Variants in PPFIA1 observed in about 807,000 individuals in gnomAD.
PPFIA1 encodes liprin-alpha-1.
PPFIA1 carries 25 observed loss-of-function variants against 149.9 expected under a neutral mutation model. That is an observed-to-expected ratio of 0.17 (90% CI 0.12 to 0.23). The LOEUF (loss-of-function observed/expected upper bound fraction) is 0.23, where lower values mean the gene tolerates loss of function less well. Ranked by LOEUF, PPFIA1 falls within the 10% of genes least tolerant of loss-of-function variation. The probability of loss-of-function intolerance (pLI) is 1.00; values close to 1 mark genes in which losing one functional copy is unlikely to be tolerated. For synonymous variants in PPFIA1, 549 were observed against 552.8 expected (o/e 0.99, Z 0.10); for missense variants, 1,362 against 1,506.5 (o/e 0.90, Z 1.59).
chr11:70,272,968 C>T (rs1025116875), intron 2 of PPFIA1, among the ~76,000 whole-genome samples: 9 of 152,144 alleles, frequency 5.9e-5, no homozygotes, highest in African/African-American at 1.7e-4. Flanking sequence ...GGAACTTTTT[C>T]CTTGGCAGAT....
At chr11:70,320,617 T>G (rs2053882613) in intron 2 of PPFIA1, among the ~76,000 whole-genome samples, 1 of 151,894 alleles carries the variant, frequency 6.6e-6, no homozygotes, top group African/African-American at 2.4e-5. Flanking sequence ...TTTTATGTTT[T>G]GTAGAGATGG....
intron 19 of PPFIA1, chr11:70,358,066 T>C (rs1191449462): frequency 6.6e-6 from 1 of 152,238 alleles, no homozygotes; most frequent in African/African-American, 2.4e-5. Context: ...CTGTCCTTTA[T>C]GTTGTGCTTG....
In PPFIA1 at chr11:70,355,679, A is replaced by C. The variant is rs1408883929; in HGVS notation, c.2356A>C (p.Ser786Arg). Reference sequence around the variant, plus strand: ...GGATGGTCCCGTGAGCAACCCCAGCAGTAGCAACAGTAGCCAGGACTCGCT... The same window carrying C: ...GGATGGTCCCGTGAGCAACCCCAGCCGTAGCAACAGTAGCCAGGACTCGCT... ...SQDGPVSNPS[S>R]SNSSQDSLHK... The change falls in exon 18 of 28, where the codon AGT (serine) becomes CGT (arginine). Residue 786 changes from serine (S) to arginine (R), a missense_variant. Around this residue, in one of 7 missense-constraint regions of PPFIA1, gnomAD observed 733 missense variants for 744.1 expected, o/e 0.99. Coordinates refer to ENST00000253925, the MANE Select transcript of PPFIA1 (RefSeq NM_003626.5). 1.2e-6 allele frequency: 2 copies of C among 1,613,758 alleles called. No homozygotes were observed. Among genetic ancestry groups the C allele is most frequent in the Non-Finnish European group, 1.7e-6 (2 of 1,179,942 alleles).
intron 26 of PPFIA1, among the ~76,000 whole-genome samples, chr11:70,380,135 C>T (rs890042309): frequency 1.1e-4 from 16 of 152,136 alleles, no homozygotes; most frequent in Non-Finnish European, 1.8e-4. Flanking sequence ...AGGCCGGGCG[C>T]GGTGGCTCAC....
chr11:70,355,097 G>A (rs7130374), intron 17 of PPFIA1, among the ~76,000 whole-genome samples: 18,783 of 152,064 alleles, frequency 0.12, 1,273 homozygotes, highest in Admixed American at 0.18. Flanking sequence ...TAAAGATGGG[G>A]TTTCACCATG....
At chr11:70,351,762 G>T in intron 16 of PPFIA1, among the ~76,000 whole-genome samples, 1 of 152,174 alleles carries the variant, frequency 6.6e-6, no homozygotes, top group East Asian at 1.9e-4. Context: ...GCCCCACAGT[G>T]CACAGTGCAG....
chr11:70,283,383 A>G (rs1411034628), intron 2 of PPFIA1, among the ~76,000 whole-genome samples: 1 of 152,126 alleles, frequency 6.6e-6, no homozygotes, highest in Non-Finnish European at 1.5e-5. Context: ...TGAGGTCCCA[A>G]ATTTTGCCAG....
intron 6 of PPFIA1, 58 bp downstream of exon 6, chr11:70,326,421 C>T (rs1392557940): frequency 1.0e-5 from 15 of 1,466,250 alleles, no homozygotes; most frequent in Admixed American, 3.8e-5. Context: ...CAGTATGTGT[C>T]GGGTTATGTG....
intron 2 of PPFIA1, among the ~76,000 whole-genome samples, chr11:70,310,820 G>A (rs559541559): frequency 2.6e-5 from 4 of 152,280 alleles, no homozygotes; most frequent in Admixed American, 2.6e-4. Flanking sequence ...GACTGAACGA[G>A]TTCTGGAAGA....
chr11:70,280,061 C>G lies in PPFIA1; in HGVS notation c.264+7625C>G, dbSNP rs190243193. Among the ~76,000 whole-genome samples the G allele has an allele frequency of 3.9e-4, 59 of 152,040 alleles. No individual in the cohort carries two copies. In the Middle Eastern group the frequency reaches 0.017, roughly 44 times the overall value. The stretch of plus-strand genomic sequence containing the variant: ...TAGCAGGGACTACAGGTGCGTGCCA[C>G]CACACCTGGCTAATTTCTGTATTTT... On this transcript the variant is annotated intron_variant, in intron 2 of 27. Coordinates refer to ENST00000253925, the MANE Select transcript of PPFIA1 (RefSeq NM_003626.5).
intron 21 of PPFIA1, chr11:70,363,154 G>A (rs565814046): frequency 6.6e-6 from 1 of 152,292 alleles, no homozygotes; most frequent in African/African-American, 2.4e-5. Flanking sequence ...ACGTATGAGT[G>A]AACAGTTAAA....
chr11:70,316,132 C>T (rs181650036), intron 2 of PPFIA1, among the ~76,000 whole-genome samples: 8 of 152,022 alleles, frequency 5.3e-5, no homozygotes, highest in South Asian at 2.1e-4. Flanking sequence ...AGTGCAGTGG[C>T]GCAGTCTCGG....
chr11:70,324,314 C>T, intron 2 of PPFIA1, 88 bp from the exon 3 acceptor site: 1 of 934,856 alleles, frequency 1.1e-6, no homozygotes, highest in South Asian at 1.7e-5. Flanking sequence ...AATGAGGTTG[C>T]CTTTGTGTGA....
Position 70,355,827 on chromosome 11 carries a change from G to T in PPFIA1, c.2488+16G>T, listed in dbSNP as rs138012353. The T allele has an allele frequency of 1.1e-5, 17 of 1,600,176 alleles. No homozygotes were observed. The highest frequency in any genetic ancestry group is 1.7e-5 in the Admixed American group (1 of 57,612). On this transcript the variant is annotated intron_variant, in intron 18 of 27. Transcript: ENST00000253925. The stretch of plus-strand genomic sequence containing the variant: ...TTAGGACAAGGTTGGTTGGTTTTCC[G>T]CACCCTTCTCAGCACCCAGGGGTCG...
intron 26 of PPFIA1, among the ~76,000 whole-genome samples, chr11:70,380,273 A>T (rs1451463691): frequency 6.6e-6 from 1 of 151,692 alleles, no homozygotes; most frequent in East Asian, 1.9e-4. Context: ...TCTAGTAAAA[A>T]TACAAAAAAA....
At chr11:70,359,825 A>C (rs1488783083) in intron 19 of PPFIA1, among the ~76,000 whole-genome samples, 2 of 152,258 alleles carry the variant, frequency 1.3e-5, no homozygotes, top group Non-Finnish European at 2.9e-5. Flanking sequence ...TCAAGCAATA[A>C]AGGAGGAATG....
At chr11:70,312,904 GT>G (rs1233849954) in intron 2 of PPFIA1, among the ~76,000 whole-genome samples, 1 of 152,158 alleles carries the variant, frequency 6.6e-6, no homozygotes. Flanking sequence ...CTGGGGGCGG[GT>G]GTGACCACCT....
chr11:70,337,211 C>T (rs751098611), intron 11 of PPFIA1, among the ~76,000 whole-genome samples, 154 bp from the exon 12 acceptor site: 23 of 151,796 alleles, frequency 1.5e-4, no homozygotes, highest in Non-Finnish European at 2.8e-4. Context: ...CGCCGCCTCA[C>T]GGTCTAACCC....
At chr11:70,290,391 C>T (rs1393532720) in intron 2 of PPFIA1, among the ~76,000 whole-genome samples, 2 of 152,188 alleles carry the variant, frequency 1.3e-5, no homozygotes, top group South Asian at 2.1e-4. Context: ...GGAATAGTCC[C>T]GGTTTTTGCC....
Sources: gnomAD v4.1 joint callset for allele counts (sites outside exome capture counted in the v4.1 genomes callset) on GRCh38, gnomAD v4.1.1 for gene constraint, gnomAD v4.1.1 regional missense constraint, MANE v1.5 for transcripts, NCBI Gene and HGNC (gene_info 2026-07-23, HGNC 2026-07-21) for gene names.